Variants in ARHGAP32 observed in about 807,000 individuals in gnomAD.
ARHGAP32 encodes Rho GTPase activating protein 32, also known as rho GTPase-activating protein 32.
Under a neutral mutation model 186.5 loss-of-function variants are expected in ARHGAP32, and 51 were observed. The observed-to-expected ratio is 0.27, with a 90% confidence interval of 0.22 to 0.35. The LOEUF (loss-of-function observed/expected upper bound fraction) is 0.35. ARHGAP32 is among the 10% of genes least tolerant of loss of function. The pLI, the probability that ARHGAP32 is intolerant of heterozygous loss-of-function variation, is 1.00. For synonymous variants in ARHGAP32, 950 were observed against 964.3 expected (o/e 0.99, Z 0.27); for missense variants, 2,186 against 2,623.5 (o/e 0.83, Z 3.64).
chr11:128,991,827 C>T (rs749537171), intron 12 of ARHGAP32, among the ~76,000 whole-genome samples: 38 of 152,078 alleles, frequency 2.5e-4, no homozygotes, highest in Non-Finnish European at 4.7e-4. Flanking sequence ...TAGAATATGG[C>T]TAAAAGAAGT....
chr11:129,022,948 G>A (rs928296134), intron 11 of ARHGAP32, among the ~76,000 whole-genome samples: 1 of 152,152 alleles, frequency 6.6e-6, no homozygotes, highest in African/African-American at 2.4e-5. Flanking sequence ...TATATGAGCA[G>A]TAGATGCTTT....
intron 1 of ARHGAP32, among the ~76,000 whole-genome samples, chr11:129,214,708 T>C (rs1308693731): frequency 6.6e-6 from 1 of 152,222 alleles, no homozygotes. Flanking sequence ...GGGAACAATG[T>C]GAACACAGCA....
intron 10 of ARHGAP32, among the ~76,000 whole-genome samples, chr11:129,044,595 T>A (rs1401687107): frequency 6.6e-6 from 1 of 152,188 alleles, no homozygotes; most frequent in Non-Finnish European, 1.5e-5. Flanking sequence ...CAAATGGATA[T>A]TACACAAAAT....
At chr11:129,009,049 TA>T (rs1937938388) in intron 11 of ARHGAP32, among the ~76,000 whole-genome samples, 2 of 152,218 alleles carry the variant, frequency 1.3e-5, no homozygotes, top group South Asian at 4.1e-4. Flanking sequence ...AGAAAACTAA[TA>T]AGTTTGGTTT....
At chr11:129,164,852 G>C (rs1024852827) in intron 1 of ARHGAP32, among the ~76,000 whole-genome samples, 1 of 152,102 alleles carries the variant, frequency 6.6e-6, no homozygotes, top group Non-Finnish European at 1.5e-5. Flanking sequence ...GCAGAGTGCA[G>C]CAAATAAGCA....
intron 11 of ARHGAP32, among the ~76,000 whole-genome samples, chr11:129,010,081 G>A (rs1459489332): frequency 6.6e-6 from 1 of 151,918 alleles, no homozygotes; most frequent in Non-Finnish European, 1.5e-5. Context: ...GTTGTTTGTT[G>A]GCAGGATGAG....
At chr11:129,191,530 A>G (rs1294390088) in intron 1 of ARHGAP32, among the ~76,000 whole-genome samples, 1 of 152,082 alleles carries the variant, frequency 6.6e-6, no homozygotes, top group Non-Finnish European at 1.5e-5. Context: ...AAACCAAGAG[A>G]GATTTGGGGG....
At chr11:129,260,060 C>A (rs559423849) in intron 1 of ARHGAP32, among the ~76,000 whole-genome samples, 1 of 152,248 alleles carries the variant, frequency 6.6e-6, no homozygotes, top group African/African-American at 2.4e-5. Flanking sequence ...ATGGTAGTTA[C>A]AAACAAACTT....
Position 128,970,204 on chromosome 11 carries a change from G to C in ARHGAP32, c.5009C>G (p.Ser1670Cys). 1 of 1,614,202 alleles carries C rather than the reference G, an allele frequency of 6.2e-7. No individual in the cohort carries two copies. Among genetic ancestry groups the C allele is most frequent in the Non-Finnish European group, 8.5e-7 (1 of 1,180,036 alleles). The part of the protein sequence containing the change: ...VHYRYSPYSS[S>C]SSSYYSPDGA... Reference sequence around the variant, plus strand: ...ATCTGGACTGTAATAGGAACTAGAAGAACTGGAATATGGGCTATACCTGTA... The same window carrying C: ...ATCTGGACTGTAATAGGAACTAGAACAACTGGAATATGGGCTATACCTGTA... The change falls in exon 23 of 23, where the codon TCT becomes TGT. Residue 1670 changes from serine to cysteine, a missense_variant. Transcript: ENST00000682385. This position sits in a 1 kb window ranked among gnomAD's most constrained non-coding sequence, Gnocchi z 5.8.
At chr11:129,265,542 C>T (rs1191324408) in intron 1 of ARHGAP32, among the ~76,000 whole-genome samples, 1 of 152,268 alleles carries the variant, frequency 6.6e-6, no homozygotes, top group South Asian at 2.1e-4. Context: ...GCAAAAAGAC[C>T]TGGATTTAAA....
At chr11:129,001,363 G>C (rs1946354083) in intron 11 of ARHGAP32, among the ~76,000 whole-genome samples, 1 of 152,156 alleles carries the variant, frequency 6.6e-6, no homozygotes, top group Admixed American at 6.5e-5. Flanking sequence ...TTTCTCTGAT[G>C]ATCAATGATG....
intron 11 of ARHGAP32, among the ~76,000 whole-genome samples, chr11:129,008,851 G>A (rs187514065): frequency 1.8e-4 from 28 of 152,212 alleles, no homozygotes; most frequent in African/African-American, 6.0e-4. Context: ...AGTATAGTTG[G>A]TTAACTTCAG....
rs775211720 is a variant in ARHGAP32, at chr11:128,981,450, G to A, written c.1746C>T (p.Ser582=). 2.4e-5 allele frequency: 38 copies of A among 1,611,988 alleles called. No homozygotes were observed. In the South Asian group the frequency reaches 2.5e-4, roughly 11 times the overall value. Residue 582 remains serine (S), a synonymous_variant, in exon 17 of 23, where the codon AGC becomes AGT. Transcript: ENST00000682385. ...CTTGCATGGCCATGCTGATTCTGCC[G>A]CTGAACAGCACATCAACGTGATTCA... The part of the protein sequence containing the change: ...FILNHVDVLF[S]GRISMAMQEG...
intron 6 of ARHGAP32, among the ~76,000 whole-genome samples, chr11:129,075,894 AT>A: frequency 6.6e-6 from 1 of 152,214 alleles, no homozygotes; most frequent in Non-Finnish European, 1.5e-5. Flanking sequence ...ACTGGGCTGC[AT>A]TCCGAGGAGG....
chr11:129,171,050 T>C (rs1431893648), intron 1 of ARHGAP32, among the ~76,000 whole-genome samples: 3 of 152,232 alleles, frequency 2.0e-5, no homozygotes, highest in Non-Finnish European at 4.4e-5. Flanking sequence ...TCGAAGTTCC[T>C]TGTAAATGCT....
chr11:129,265,336 G>C (rs1294447139), intron 1 of ARHGAP32, among the ~76,000 whole-genome samples: 1 of 152,162 alleles, frequency 6.6e-6, no homozygotes, highest in East Asian at 1.9e-4. Context: ...TGACATTCTT[G>C]ACCAGATGGT....
At chr11:128,979,063 C>T (rs1945634351) in intron 18 of ARHGAP32, 148 bp from the exon 19 acceptor site, 2 of 616,682 alleles carry the variant, frequency 3.2e-6, no homozygotes, top group African/African-American at 1.9e-5. Context: ...CCAGACAGCA[C>T]ACTCTACACA....
chr11:129,027,994 TA>T (rs1938937153), intron 11 of ARHGAP32, among the ~76,000 whole-genome samples: 1 of 152,118 alleles, frequency 6.6e-6, no homozygotes, highest in Non-Finnish European at 1.5e-5. Flanking sequence ...AAAGACTGAT[TA>T]GGGGGCTACT....
chr11:129,088,995 CAAAAAAAAAAAAA>C (rs10601798), intron 6 of ARHGAP32, among the ~76,000 whole-genome samples: 2 of 84,768 alleles, frequency 2.4e-5, no homozygotes, highest in African/African-American at 8.4e-5. Context: ...GAGACCTTGT[CAAAAAAAAAAAAA>C]AAAAAAAAAA....
Sources: allele counts gnomAD v4.1 joint callset (sites outside exome capture counted in the v4.1 genomes callset), GRCh38; gene constraint gnomAD v4.1.1; non-coding constraint Gnocchi (gnomAD v3.1); transcripts MANE v1.5; gene names NCBI Gene and HGNC (gene_info 2026-07-23, HGNC 2026-07-21).